Variants in MGAM observed in about 807,000 individuals in gnomAD.
The protein encoded by MGAM is maltase-glucoamylase.
A neutral mutation model predicts 358.8 loss-of-function variants in MGAM; 253 were observed. That is an observed-to-expected ratio of 0.71 (90% CI 0.64 to 0.78). MGAM has a LOEUF of 0.78. MGAM is among the 30% of genes least tolerant of loss of function. The pLI is 0.00. For missense variants in MGAM, 3,080 were observed against 3,432.6 expected (o/e 0.90, Z 2.57); for synonymous variants, 1,105 against 1,227.1 (o/e 0.90, Z 2.08).
At chr7:142,071,706 C>A (rs1371264531) in intron 44 of MGAM, among the ~76,000 whole-genome samples, 1 of 145,952 alleles carries the variant, frequency 6.9e-6, no homozygotes, top group Non-Finnish European at 1.6e-5. Context: ...TCAGGATCCA[C>A]TTTCCACCCT....
intron 6 of MGAM, 39 bp downstream of exon 6, chr7:142,021,776 G>C: frequency 6.2e-7 from 1 of 1,606,624 alleles, no homozygotes; most frequent in South Asian, 1.1e-5. Context: ...AGAGTAGGAA[G>C]GTTACAGGGA....
rs1175205341 is a variant in MGAM, at chr7:142,060,346, G to T, written c.4095G>T (p.Gly1365=). ...WPDFPDVVVN[G]SLDWDSQVEL... is the part of the protein sequence containing the mutation. ...ATTTTCCTGATGTTGTTGTGAATGG[G>T]TCTCTAGACTGGGACAGCCAAGTGG... The change falls in exon 34 of 71, where the codon GGG becomes GGT. Residue 1365 remains glycine (G), a synonymous_variant. Transcript: ENST00000475668. 2.5e-6 allele frequency: 4 copies of T among 1,614,038 alleles called. No individual in the cohort carries two copies. The Admixed American group carries it at 6.7e-5, about 27-fold the overall frequency.
At position 142,086,134 on chromosome 7, in the gene MGAM, C is replaced by T. The variant is rs568666466; in HGVS notation, c.6637-84C>T. The stretch of plus-strand genomic sequence containing the variant: ...CAGTTCAGGTAGAAGCCAACAAGTT[C>T]GCCCTGGAGGAGTTCTCCTTCATTC... On this transcript the variant is annotated intron_variant, in intron 55 of 70. Coordinates refer to ENST00000475668, the MANE Select transcript of MGAM (RefSeq NM_001365693.1). 1.3e-5 allele frequency: 18 copies of T among 1,420,228 alleles called. 3 individuals are homozygous for T. The highest frequency in any genetic ancestry group is 4.2e-5 in the Admixed American group (2 of 47,172). 88.0% of individuals were successfully genotyped at this position (1,420,228 alleles called of 1,614,324 possible). A position where few individuals can be genotyped will look rare whatever the true frequency, so the allele number is the denominator to read the frequency against.
chr7:142,066,829 G>A lies in MGAM; in HGVS notation c.4919+108G>A. ...CAAATTAAAGACATGATGGCCTTTTGACATGAGCTCTTCAGACACAAAGTA... is the reference window on the plus strand; with the variant it reads ...CAAATTAAAGACATGATGGCCTTTTAACATGAGCTCTTCAGACACAAAGTA... On this transcript the variant is annotated intron_variant, in intron 41 of 70. Transcript: ENST00000475668. 3.9e-6 allele frequency: 5 copies of A among 1,286,270 alleles called. 2 individuals carry two copies. The East Asian group carries it at 7.0e-5, about 18-fold the overall frequency. The allele number at this position is 1,286,270 out of a possible 1,614,324, so 79.7% of individuals were successfully genotyped here. A position where few individuals can be genotyped will look rare whatever the true frequency, so the allele number is the denominator to read the frequency against.
Position 142,068,641 on chromosome 7 carries a change from T to C in MGAM, c.5005-6T>C. The C allele has an allele frequency of 6.5e-7, 1 of 1,533,610 alleles. No individual in the cohort carries two copies. The highest frequency in any genetic ancestry group is 9.0e-7 in the Non-Finnish European group (1 of 1,114,252). The stretch of plus-strand genomic sequence containing the variant: ...ACTGCCTCACCTTGTTTGTGTTTCA[T>C]TTTAGAATGCCAGAAATGTCACTGC... On this transcript the variant is annotated splice_region_variant and splice_polypyrimidine_tract_variant and intron_variant, in intron 42 of 70. Coordinates refer to ENST00000475668, the MANE Select transcript of MGAM (RefSeq NM_001365693.1).
rs567160993 is a variant in MGAM, at chr7:141,987,460, T to G, written c.-2-18069T>G. Among the ~76,000 whole-genome samples, 7 of 152,240 alleles carry G rather than the reference T, an allele frequency of 4.6e-5. No homozygotes were observed. In the South Asian group the frequency reaches 1.0e-3, roughly 23 times the overall value. ...TCAGGCACTGTGTCTCAAATCTAAATTTTTGGGAGGGCGAATCCATCTGGA... is the reference window on the plus strand; with the variant it reads ...TCAGGCACTGTGTCTCAAATCTAAAGTTTTGGGAGGGCGAATCCATCTGGA... On this transcript the variant is annotated intron_variant, in intron 2 of 5. Coordinates refer to the MGAM transcript ENST00000465654.
At chr7:142,069,300 G>T (rs1316354568) in intron 43 of MGAM, among the ~76,000 whole-genome samples, 1 of 145,832 alleles carries the variant, frequency 6.9e-6, no homozygotes, top group Non-Finnish European at 1.6e-5. Flanking sequence ...AGAGCTCCTT[G>T]CCGCATAGTT....
chr7:142,093,002 T>C (rs1330313775), intron 59 of MGAM, among the ~76,000 whole-genome samples: 1 of 146,522 alleles, frequency 6.8e-6, no homozygotes, highest in African/African-American at 2.4e-5. Flanking sequence ...GTTCATATCT[T>C]GGTTCCAGAA....
chr7:142,106,009 CTGTTAATTT>C lies in MGAM; in HGVS notation c.*124_*132del, dbSNP rs765946065. On this transcript the variant is annotated 3_prime_UTR_variant, in exon 71 of 71. Transcript: ENST00000475668. ...CATACCCACTATTGGTGAAATATTT[CTGTTAATTT>C]TGTTATATGTTTTTTGTGTGAACCC... 96 of 814,706 alleles carry C rather than the reference CTGTTAATTT, an allele frequency of 1.2e-4. No individual in the cohort carries two copies. Among genetic ancestry groups the C allele is most frequent in the Non-Finnish European group, 1.8e-4 (90 of 502,678 alleles). The allele number at this position is 814,706 out of a possible 1,614,324, so 50.5% of individuals were successfully genotyped here.
chr7:142,045,900 C>T lies in MGAM; in HGVS notation c.2499-1885C>T, dbSNP rs1370181258. ...ATATGTAATATATATATTATGTATA[C>T]ATACAATATGTAATATATATATTAT... On this transcript the variant is annotated intron_variant, in intron 21 of 70. Coordinates refer to ENST00000475668, the MANE Select transcript of MGAM (RefSeq NM_001365693.1). 3.0e-5 allele frequency among the ~76,000 whole-genome samples: 3 copies of T among 99,270 alleles called. 1 individual carries two copies. Among genetic ancestry groups the T allele is most frequent in the Non-Finnish European group, 5.7e-5 (3 of 52,326 alleles). 65.1% of individuals were successfully genotyped at this position (99,270 alleles called of 152,430 possible). A position where few individuals can be genotyped will look rare whatever the true frequency, so the allele number is the denominator to read the frequency against.
chr7:142,004,294 G>A (rs1442116979), intron 1 of MGAM: 1 of 151,962 alleles, frequency 6.6e-6, no homozygotes, highest in Non-Finnish European at 1.5e-5. Flanking sequence ...ATCAATCCAA[G>A]TGTTCATCAA....
Position 142,027,157 on chromosome 7 carries a change from T to G in MGAM, c.1025T>G (p.Ile342Ser), listed in dbSNP as rs200058369. The change falls in exon 9 of 71, where the codon ATT (isoleucine) becomes AGT (serine). Residue 342 changes from isoleucine to serine, a missense_variant. Around this residue, in one of 5 missense-constraint regions of MGAM, gnomAD observed 1,816 missense variants for 1,840.5 expected, o/e 0.99. Transcript: ENST00000475668. The stretch of plus-strand genomic sequence containing the variant: ...GCGCCAGCCATCACTTACCGCACCA[T>G]TGGGGGCATTCTCGACTTCTATGTG... ...QPAPAITYRT[I>S]GGILDFYVFL... 3.1e-6 allele frequency: 5 copies of G among 1,613,660 alleles called. No homozygotes were observed. The African/African-American group carries it at 6.7e-5, about 22-fold the overall frequency.
At chr7:141,990,387 A>AGT in intron 2 of MGAM, among the ~76,000 whole-genome samples, 1 of 152,298 alleles carries the variant, frequency 6.6e-6, no homozygotes, top group South Asian at 2.1e-4. Context: ...TGTGGGGAGA[A>AGT]GTAATATTCT....
At chr7:142,034,932 G>A in intron 16 of MGAM, 91 bp downstream of exon 16, 1 of 1,253,052 alleles carries the variant, frequency 8.0e-7, no homozygotes, top group Non-Finnish European at 1.1e-6. Context: ...CCCCTCTCCT[G>A]CCTGCCATGG....
upstream of MGAM, among the ~76,000 whole-genome samples, chr7:141,993,383 C>T (rs1015968526): frequency 3.3e-5 from 5 of 152,206 alleles, no homozygotes; most frequent in Admixed American, 3.3e-4. Flanking sequence ...AAAGCATATA[C>T]AGATACAAGC....
chr7:142,076,920 C>G lies in MGAM; in HGVS notation c.5493+94C>G. On this transcript the variant is annotated intron_variant, in intron 47 of 70. Coordinates refer to ENST00000475668, the MANE Select transcript of MGAM (RefSeq NM_001365693.1). The stretch of plus-strand genomic sequence containing the variant: ...AAGTTTGCATGGGTCCCTGAAGTAC[C>G]AGGGCACCTTTGATGCATGTTTTGG... 4 of 1,350,846 alleles carry G rather than the reference C, an allele frequency of 3.0e-6. 1 individual carries two copies. The highest frequency in any genetic ancestry group is 3.6e-4 in the Middle Eastern group (2 of 5,532). 83.7% of individuals were successfully genotyped at this position (1,350,846 alleles called of 1,614,324 possible).
intron 57 of MGAM, among the ~76,000 whole-genome samples, chr7:142,087,226 C>A (rs1417534810): frequency 6.9e-6 from 1 of 145,100 alleles, no homozygotes; most frequent in African/African-American, 2.4e-5. Flanking sequence ...GAGCCCAATC[C>A]TTCCTTGGGT....
At chr7:142,069,193 A>G (rs1176985697) in intron 43 of MGAM, among the ~76,000 whole-genome samples, 1 of 146,330 alleles carries the variant, frequency 6.8e-6, no homozygotes, top group Non-Finnish European at 1.5e-5. Context: ...AAGGCACACA[A>G]GTGATTAGGC....
intron 3 of MGAM, among the ~76,000 whole-genome samples, chr7:142,013,210 G>T (rs1456199861): frequency 1.3e-5 from 2 of 152,048 alleles, no homozygotes; most frequent in Non-Finnish European, 1.5e-5. Context: ...AGCAGGATGG[G>T]GTGGCACAGG....
Sources: gnomAD v4.1 joint callset for allele counts (sites outside exome capture counted in the v4.1 genomes callset) on GRCh38, gnomAD v4.1.1 for gene constraint, gnomAD v4.1.1 regional missense constraint, MANE v1.5 for transcripts, NCBI Gene and HGNC (gene_info 2026-07-23, HGNC 2026-07-21) for gene names.